LRRC7: variants seen among roughly 807,000 people sequenced by gnomAD.
The protein encoded by LRRC7 is leucine rich repeat containing 7.
LRRC7 carries 23 observed loss-of-function variants against 175.7 expected under a neutral mutation model. That is an observed-to-expected ratio of 0.13 (90% CI 0.09 to 0.19). The LOEUF (loss-of-function observed/expected upper bound fraction) is 0.19, where lower values mean the gene tolerates loss of function less well. Among genes scored for constraint, LRRC7 ranks in the 10% least tolerant of loss-of-function variants. The pLI, the probability that LRRC7 is intolerant of heterozygous loss-of-function variation, is 1.00. For synonymous variants in LRRC7, 685 were observed against 680.9 expected (o/e 1.01, Z -0.09); for missense variants, 1,354 against 1,904.7 (o/e 0.71, Z 5.38).
intron 1 of LRRC7, among the ~76,000 whole-genome samples, chr1:69,645,751 A>T (rs1048872222): frequency 3.7e-4 from 56 of 152,264 alleles, no homozygotes; most frequent in African/African-American, 1.3e-3. Context: ...AGCCACAAAA[A>T]GATATAAAAA....
intron 8 of LRRC7, among the ~76,000 whole-genome samples, chr1:69,959,081 G>T (rs1202681255): frequency 6.6e-6 from 1 of 152,024 alleles, no homozygotes; most frequent in African/African-American, 2.4e-5. Flanking sequence ...AAAGCAAGAT[G>T]AGGAAAAGTA....
chr1:69,932,889 G>T (rs1451245303), intron 8 of LRRC7, among the ~76,000 whole-genome samples: 1 of 152,248 alleles, frequency 6.6e-6, no homozygotes, highest in African/African-American at 2.4e-5. Flanking sequence ...GCTGTCTGCA[G>T]CTGATGCTGC....
intron 1 of LRRC7, among the ~76,000 whole-genome samples, chr1:69,623,549 C>CTTTT (rs35199111): frequency 1.5e-5 from 2 of 136,644 alleles, no homozygotes; most frequent in African/African-American, 2.7e-5. Context: ...AAAAGACATA[C>CTTTT]TTTTTTTTTT....
chr1:69,890,617 G>T (rs1645805140), intron 7 of LRRC7, among the ~76,000 whole-genome samples: 1 of 152,182 alleles, frequency 6.6e-6, no homozygotes, highest in Admixed American at 6.5e-5. Context: ...AAGCTTTGAT[G>T]GCAGGCATTG....
Position 69,714,396 on chromosome 1 carries a change from G to A in LRRC7, c.100+35918G>A, listed in dbSNP as rs533379368. Among the ~76,000 whole-genome samples the A allele has an allele frequency of 9.2e-5, 14 of 152,272 alleles. No individual in the cohort carries two copies. The South Asian group carries it at 2.9e-3, about 32-fold the overall frequency. The stretch of plus-strand genomic sequence containing the variant: ...ATGGAGGAAAGCAGCTTATGAAAAA[G>A]TTACAGTTTAGTCATTTGATGTGAT... On this transcript the variant is annotated intron_variant, in intron 2 of 26. Transcript: ENST00000651989.
chr1:69,949,766 T>C (rs1649724056), intron 8 of LRRC7, among the ~76,000 whole-genome samples: 1 of 152,128 alleles, frequency 6.6e-6, no homozygotes, highest in African/African-American at 2.4e-5. Context: ...TCATTGGATG[T>C]GCATATTTTA....
chr1:70,031,266 A>C (rs937442652), intron 18 of LRRC7: 4 of 152,224 alleles, frequency 2.6e-5, no homozygotes, highest in African/African-American at 4.8e-5. Context: ...TGAATAAATG[A>C]ATGATTGATA....
chr1:70,014,573 A>C (rs778023308), intron 13 of LRRC7, among the ~76,000 whole-genome samples: 9 of 152,092 alleles, frequency 5.9e-5, no homozygotes, highest in Non-Finnish European at 1.2e-4. Context: ...TCAATCAGTA[A>C]ATCAAGCAGA....
chr1:69,930,492 A>G (rs1202609213), intron 7 of LRRC7, among the ~76,000 whole-genome samples: 1 of 152,070 alleles, frequency 6.6e-6, no homozygotes, highest in East Asian at 1.9e-4. Flanking sequence ...TGGAGAGATA[A>G]AAAAAAATCT....
chr1:69,621,743 G>T (rs1301536928), intron 1 of LRRC7, among the ~76,000 whole-genome samples: 1 of 152,116 alleles, frequency 6.6e-6, no homozygotes, highest in African/African-American at 2.4e-5. Flanking sequence ...TTCTTTCTAT[G>T]CCTTGGCCTC....
At chr1:69,866,674 G>A (rs1015066791) in intron 7 of LRRC7, among the ~76,000 whole-genome samples, 1 of 152,056 alleles carries the variant, frequency 6.6e-6, no homozygotes, top group African/African-American at 2.4e-5. Flanking sequence ...ATGCCTTATA[G>A]TGGTGTCATT....
At chr1:69,819,828 ACTTAAAGC>A (rs1184726437) in intron 4 of LRRC7, among the ~76,000 whole-genome samples, 2 of 151,984 alleles carry the variant, frequency 1.3e-5, no homozygotes, top group African/African-American at 4.8e-5. Context: ...ACAGGTTTTG[ACTTAAAGC>A]CTATTTTGTC....
chr1:69,967,416 C>T (rs751373795), intron 8 of LRRC7, among the ~76,000 whole-genome samples: 3 of 152,112 alleles, frequency 2.0e-5, no homozygotes, highest in African/African-American at 7.2e-5. Flanking sequence ...TCTAGGGCCC[C>T]ACCCACCACC....
At chr1:69,667,643 A>G (rs1446847161) in intron 1 of LRRC7, among the ~76,000 whole-genome samples, 3 of 152,040 alleles carry the variant, frequency 2.0e-5, no homozygotes, top group South Asian at 2.1e-4. Flanking sequence ...TTTGGTTTCC[A>G]TTGGCATGGA....
At chr1:69,656,511 C>T (rs1656627035) in intron 1 of LRRC7, among the ~76,000 whole-genome samples, 1 of 151,874 alleles carries the variant, frequency 6.6e-6, no homozygotes, top group Admixed American at 6.6e-5. Context: ...TGGTTCAATT[C>T]CAGTATGTGG....
At chr1:69,909,276 A>G (rs28828746) in intron 7 of LRRC7, among the ~76,000 whole-genome samples, 1 of 152,074 alleles carries the variant, frequency 6.6e-6, no homozygotes, top group Non-Finnish European at 1.5e-5. Context: ...TTCATTTAAA[A>G]TTAATATTGT....
At position 69,641,385 on chromosome 1, in the gene LRRC7, CTGTT is replaced by C. The variant is rs756288141; in HGVS notation, c.3-36994_3-36991del. Reference sequence around the variant, plus strand: ...AATCTTTCAATTAATCCTTAATACTCTGTTTATTTATTTAGACATATACAAATAT... The same window carrying C: ...AATCTTTCAATTAATCCTTAATACTCTATTTATTTAGACATATACAAATAT... On this transcript the variant is annotated intron_variant, in intron 1 of 26. Transcript: ENST00000651989. Among the ~76,000 whole-genome samples the C allele has an allele frequency of 2.2e-4, 33 of 151,560 alleles. 1 individual carries two copies. The highest frequency in any genetic ancestry group is 3.3e-4 in the Admixed American group (5 of 15,184).
At chr1:69,790,858 G>C (rs767781786) in intron 3 of LRRC7, among the ~76,000 whole-genome samples, 24 of 151,878 alleles carry the variant, frequency 1.6e-4, no homozygotes, top group Non-Finnish European at 2.5e-4. Context: ...GAAGTGTTAC[G>C]AATAGTCTTT....
At chr1:69,583,923 G>C (rs751137731) in intron 1 of LRRC7, among the ~76,000 whole-genome samples, 2 of 152,040 alleles carry the variant, frequency 1.3e-5, no homozygotes, top group African/African-American at 2.4e-5. Context: ...AAGGTATTTG[G>C]GACTGCCAGT....
Sources: allele counts gnomAD v4.1 joint callset (sites outside exome capture counted in the v4.1 genomes callset), GRCh38; gene constraint gnomAD v4.1.1; transcripts MANE v1.5; gene names NCBI Gene and HGNC (gene_info 2026-07-23, HGNC 2026-07-21).